Variants in DCC observed in about 807,000 individuals in gnomAD.
DCC encodes netrin receptor DCC.
A neutral mutation model predicts 172.5 loss-of-function variants in DCC; 58 were observed. The ratio of observed to expected loss-of-function variants is 0.34; its 90% CI spans 0.27 to 0.42. The LOEUF (loss-of-function observed/expected upper bound fraction) is 0.42. Among genes scored for constraint, DCC ranks in the 10% least tolerant of loss-of-function variants. The pLI is 1.00. For synonymous variants in DCC, 709 were observed against 644.5 expected (o/e 1.10, Z -1.52); for missense variants, 1,740 against 1,791.0 (o/e 0.97, Z 0.51).
intron 1 of DCC, among the ~76,000 whole-genome samples, chr18:52,458,990 T>C (rs992291042): frequency 4.6e-5 from 7 of 152,278 alleles, no homozygotes; most frequent in African/African-American, 1.7e-4. Flanking sequence ...TACTAGGCCA[T>C]GTGATTTGCA....
rs374942260 is a variant in DCC at position 53,277,203 on chromosome 18, C to T, written c.1912-28375C>T. 8.5e-4 allele frequency among the ~76,000 whole-genome samples: 130 copies of T among 152,242 alleles called. 1 individual carries two copies. The highest frequency in any genetic ancestry group is 2.8e-3 in the African/African-American group (115 of 41,524). On this transcript the variant is annotated intron_variant, in intron 12 of 28. Transcript: ENST00000442544. ...CTACAAACAGGGCCAGGCACGATAG[C>T]TCACGCCTATAATCTCAGCACTTTG...
chr18:52,882,249 C>T (rs1035909908), intron 2 of DCC, among the ~76,000 whole-genome samples: 23 of 148,580 alleles, frequency 1.5e-4, no homozygotes, highest in Admixed American at 1.1e-3. Flanking sequence ...ATTTTGGGTT[C>T]GACTTGCCCT....
At chr18:53,239,357 T>C (rs1171349382) in intron 12 of DCC, among the ~76,000 whole-genome samples, 1 of 152,044 alleles carries the variant, frequency 6.6e-6, no homozygotes, top group Non-Finnish European at 1.5e-5. Context: ...GTAGATCATT[T>C]TGGGGTTTTT....
chr18:52,884,917 G>C (rs891987423), intron 2 of DCC, among the ~76,000 whole-genome samples: 1 of 152,110 alleles, frequency 6.6e-6, no homozygotes, highest in Non-Finnish European at 1.5e-5. Context: ...ACTCATAGAG[G>C]TACCACTATG....
At chr18:52,607,665 C>T (rs1325287955) in intron 1 of DCC, among the ~76,000 whole-genome samples, 1 of 152,086 alleles carries the variant, frequency 6.6e-6, no homozygotes, top group East Asian at 1.9e-4. Flanking sequence ...ATAATCCCTT[C>T]ATTTTGCGTG....
At chr18:52,503,190 A>G (rs540228561) in intron 1 of DCC, among the ~76,000 whole-genome samples, 78 of 152,292 alleles carry the variant, frequency 5.1e-4, no homozygotes, top group Non-Finnish European at 9.0e-4. Context: ...TACTCCATTC[A>G]TAAGACAATG....
intron 5 of DCC, among the ~76,000 whole-genome samples, chr18:53,024,714 T>C (rs1356532726): frequency 6.6e-6 from 1 of 152,194 alleles, no homozygotes; most frequent in Admixed American, 6.6e-5. Context: ...TAATTACCAA[T>C]TCAATTTAAA....
chr18:53,151,212 T>G (rs1194833428), intron 7 of DCC, among the ~76,000 whole-genome samples: 1 of 152,224 alleles, frequency 6.6e-6, no homozygotes, highest in Non-Finnish European at 1.5e-5. Flanking sequence ...ATAGTTAATG[T>G]ACAAATTAAA....
rs71175533 is a variant in DCC, at chr18:52,879,412, CTTTTTTTTTTTTTTTTT to C, written c.413-26619_413-26603del. ...AATTTCTAGCCCATATGTTGTTTGG[CTTTTTTTTTTTTTTTTT>C]TTTTTTTTTTTTGAGATGGAGTTTC... On this transcript the variant is annotated intron_variant, in intron 2 of 28. Transcript: ENST00000442544. Among the ~76,000 whole-genome samples, 3 of 62,354 alleles carry C rather than the reference CTTTTTTTTTTTTTTTTT, an allele frequency of 4.8e-5. 1 individual carries two copies. Among genetic ancestry groups the C allele is most frequent in the Admixed American group, 3.9e-4 (2 of 5,160 alleles). 40.9% of individuals were successfully genotyped at this position (62,354 alleles called of 152,430 possible).
intron 2 of DCC, among the ~76,000 whole-genome samples, chr18:52,789,961 T>C (rs1286349451): frequency 6.6e-6 from 1 of 152,108 alleles, no homozygotes; most frequent in African/African-American, 2.4e-5. Context: ...GCTACAAAAT[T>C]TTGACCCTCC....
intron 1 of DCC, among the ~76,000 whole-genome samples, chr18:52,487,636 T>G (rs2030291325): frequency 6.6e-6 from 1 of 151,644 alleles, no homozygotes; most frequent in Non-Finnish European, 1.5e-5. Flanking sequence ...CATGGTGAAA[T>G]TCCGTCTTTA....
intron 2 of DCC, among the ~76,000 whole-genome samples, chr18:52,897,732 G>T (rs1350568516): frequency 6.6e-6 from 1 of 152,030 alleles, no homozygotes; most frequent in Non-Finnish European, 1.5e-5. Flanking sequence ...AACATCGCTG[G>T]CACTTACCAG....
chr18:52,840,479 C>G (rs2038784844), intron 2 of DCC, among the ~76,000 whole-genome samples: 1 of 152,094 alleles, frequency 6.6e-6, no homozygotes, highest in South Asian at 2.1e-4. Flanking sequence ...TTTGTAGAAC[C>G]ATTCTAAGTG....
intron 19 of DCC, among the ~76,000 whole-genome samples, chr18:53,404,238 A>C (rs1176798692): frequency 6.6e-6 from 1 of 150,696 alleles, no homozygotes; most frequent in Non-Finnish European, 1.5e-5. Flanking sequence ...CTGTCTAAAT[A>C]AAAACAGGTT....
At chr18:52,661,703 T>C (rs1307488637) in intron 1 of DCC, among the ~76,000 whole-genome samples, 2 of 152,210 alleles carry the variant, frequency 1.3e-5, no homozygotes, top group South Asian at 2.1e-4. Context: ...CAAATAGATA[T>C]GGATGTTTAA....
chr18:53,059,322 A>G (rs900111173), intron 5 of DCC, among the ~76,000 whole-genome samples: 4 of 152,118 alleles, frequency 2.6e-5, no homozygotes, highest in African/African-American at 9.7e-5. Context: ...AACAGTAAAC[A>G]TTTCAGGGTG....
intron 1 of DCC, among the ~76,000 whole-genome samples, chr18:52,487,805 C>T (rs1262924673): frequency 3.6e-5 from 3 of 83,636 alleles, no homozygotes; most frequent in Non-Finnish European, 4.5e-5. Context: ...AGTGAGACTC[C>T]ACCTCAAAAA....
At chr18:53,383,555 C>G (rs11661458) in intron 15 of DCC, among the ~76,000 whole-genome samples, 62,179 of 146,438 alleles carry the variant, frequency 0.42, 14,949 homozygotes, top group Non-Finnish European at 0.55. Flanking sequence ...GTTCATTTGG[C>G]ATGTTTTCTA....
chr18:52,368,792 C>G (rs934670577), intron 1 of DCC, among the ~76,000 whole-genome samples: 3 of 152,174 alleles, frequency 2.0e-5, no homozygotes, highest in Non-Finnish European at 4.4e-5. Flanking sequence ...CTTCCCAGAC[C>G]TGTGCACTGT....
Sources: allele counts gnomAD v4.1 joint callset (sites outside exome capture counted in the v4.1 genomes callset), GRCh38; gene constraint gnomAD v4.1.1; transcripts MANE v1.5; gene names NCBI Gene and HGNC (gene_info 2026-07-23, HGNC 2026-07-21).